The following COPS8 variants were observed in gnomAD, a reference collection of about 807,000 sequenced individuals.
COPS8 encodes the protein COP9 signalosome subunit 8.
COPS8 carries 11 observed loss-of-function variants against 31.5 expected under a neutral mutation model. That is an observed-to-expected ratio of 0.35 (90% confidence interval 0.22 to 0.58). The LOEUF is 0.58. COPS8 is among the 20% of genes least tolerant of loss of function. COPS8 has a pLI of 0.83. For missense variants in COPS8, 215 were observed against 255.1 expected, an observed-to-expected ratio of 0.84 and a Z score of 1.07; for synonymous variants, 81 against 89.3, an observed-to-expected ratio of 0.91 and a Z score of 0.52.
chr2:237,087,978 T>C (rs1290743770), intron 2 of COPS8, among the ~76,000 whole-genome samples: 1 of 151,296 alleles, frequency 6.6e-6, no homozygotes, highest in East Asian at 1.9e-4. Context: ...AAGTCTCCTA[T>C]AGTTCTGTGA....
chr2:237,095,694 T>TA, intron 5 of COPS8, 128 bp from the exon 6 acceptor site: 1 of 622,048 alleles, frequency 1.6e-6, no homozygotes, highest in Non-Finnish European at 2.9e-6. Flanking sequence ...ACCTTTCTAG[T>TA]AAAAATGCAT....
At chr2:237,096,629 G>T in intron 6 of COPS8, 193 bp from the exon 7 acceptor site, 1 of 631,942 alleles carries the variant, frequency 1.6e-6, no homozygotes, top group Non-Finnish European at 2.8e-6. Context: ...AGAGTGAGAA[G>T]ACATGATCCC....
intron 3 of COPS8, 147 bp downstream of exon 3, chr2:237,088,800 C>T: frequency 2.0e-6 from 1 of 510,868 alleles, no homozygotes; most frequent in Non-Finnish European, 3.4e-6. Context: ...CTTCAGAGTC[C>T]TCTAATCAGA....
rs962201822 is a variant in COPS8 at position 237,092,087 on chromosome 2, T to A, written c.332-2003T>A. 2.0e-5 allele frequency among the ~76,000 whole-genome samples: 3 copies of A among 152,356 alleles called. No individual in the cohort carries two copies. The South Asian group carries it at 6.2e-4, about 32-fold the overall frequency. ...GGATGAGCAGCACTTGAGTATTTGT[T>A]GAACAACTGAGTTTGCATTCTGTTA... On this transcript the variant is annotated intron_variant, in intron 4 of 7. Coordinates refer to ENST00000354371, the MANE Select transcript of COPS8 (RefSeq NM_006710.5).
chr2:237,087,605 A>G (rs958088027), intron 2 of COPS8: 1 of 245,490 alleles, frequency 4.1e-6, no homozygotes, highest in Non-Finnish European at 8.8e-6. Context: ...AATTATTCCT[A>G]TTTCACGTTC....
In COPS8 at chr2:237,089,892, G is replaced by A; in HGVS notation, c.229G>A (p.Val77Ile). Residue 77 changes from valine to isoleucine, a missense_variant, in exon 4 of 8, where the codon GTA becomes ATA. Physicochemically the swap from Val to Ile is conservative, Grantham distance 29 (BLOSUM62 3). Coordinates refer to ENST00000354371, the MANE Select transcript of COPS8 (RefSeq NM_006710.5). ...TTCTGAACTTGGGGGAATTTGGTCA[G>A]TAGGACAAAGAATCTGGCAGAGAGA... is the stretch of plus-strand genomic sequence containing the variant. ...ANSELGGIWS[V>I]GQRIWQRDFP... The A allele has an allele frequency of 1.9e-6, 3 of 1,612,946 alleles. No individual in the cohort carries two copies. The highest frequency in any genetic ancestry group is 1.7e-6 in the Non-Finnish European group (2 of 1,179,910).
chr2:237,096,543 C>T, intron 6 of COPS8: 1 of 437,844 alleles, frequency 2.3e-6, no homozygotes. Flanking sequence ...CTTCCACCTA[C>T]TCGGAATGCC....
intron 5 of COPS8, among the ~76,000 whole-genome samples, chr2:237,095,287 A>G (rs1438901191): frequency 2.6e-5 from 4 of 152,200 alleles, no homozygotes; most frequent in South Asian, 2.1e-4. Flanking sequence ...GCTAGTGGCT[A>G]TGTGACTTAG....
chr2:237,099,990 G>A lies in COPS8; in HGVS notation c.*2248G>A, dbSNP rs1055151494. ...CCTCATCACTGTACAAGAAAGGCAG[G>A]GTAAGTGCTTGATTTCACTTCCCTT... On this transcript the variant is annotated 3_prime_UTR_variant, in exon 8 of 8. Coordinates refer to ENST00000354371, the MANE Select transcript of COPS8 (RefSeq NM_006710.5). The A allele has an allele frequency of 6.6e-6, 1 of 152,114 alleles. No homozygotes were observed. Among genetic ancestry groups the A allele is most frequent in the African/African-American group, 2.4e-5 (1 of 41,406 alleles). The allele number at this position is 152,114 out of a possible 1,614,324, so 9.4% of individuals were successfully genotyped here.
chr2:237,095,738 G>C, intron 5 of COPS8, 84 bp from the exon 6 acceptor site: 1 of 891,400 alleles, frequency 1.1e-6, no homozygotes, highest in Non-Finnish European at 1.9e-6. Flanking sequence ...CAGGTCTTCT[G>C]TACAACTAAT....
chr2:237,087,463 G>A (rs6740125), intron 2 of COPS8: 20,477 of 469,030 alleles, frequency 0.044, 2,014 homozygotes, highest in African/African-American at 0.27. Flanking sequence ...GTCTTTTTAA[G>A]AAACTTTTAT....
At chr2:237,097,224 C>CTTTTTTTT (rs996251270) in intron 7 of COPS8, among the ~76,000 whole-genome samples, 57 of 95,824 alleles carry the variant, frequency 5.9e-4, no homozygotes, top group East Asian at 9.2e-4. Flanking sequence ...TGTGGGTTTT[C>CTTTTTTTT]TTTTTTTTTT....
At position 237,099,436 on chromosome 2, in the gene COPS8, G is replaced by A. The variant is rs1696858119; in HGVS notation, c.*1694G>A. 6.6e-6 allele frequency: 1 copy of A among 151,956 alleles called. No individual in the cohort carries two copies. Among genetic ancestry groups the A allele is most frequent in the African/African-American group, 2.4e-5 (1 of 41,352 alleles). The allele number at this position is 151,956 out of a possible 1,614,324, so 9.4% of individuals were successfully genotyped here. On this transcript the variant is annotated 3_prime_UTR_variant, in exon 8 of 8. Transcript: ENST00000354371. ...ATATTTCAATTTTACATTGTCAGTG[G>A]GATATACACTAAGGACAGAAAAAAA...
rs957376742 is a variant in COPS8 at position 237,098,976 on chromosome 2, A to C, written c.*1234A>C. On this transcript the variant is annotated 3_prime_UTR_variant, in exon 8 of 8. Transcript: ENST00000354371. ...TTTACAGTTGAGGAAATGGGAATTC[A>C]AGAAGTCAGAGGATCAGGAGAGTGA... is the stretch of plus-strand genomic sequence containing the variant. 6.6e-6 allele frequency: 1 copy of C among 152,198 alleles called. No individual in the cohort carries two copies. Among genetic ancestry groups the C allele is most frequent in the African/African-American group, 2.4e-5 (1 of 41,444 alleles). The allele number at this position is 152,198 out of a possible 1,614,324, so 9.4% of individuals were successfully genotyped here. A position where few individuals can be genotyped will look rare whatever the true frequency, so the allele number is the denominator to read the frequency against.
chr2:237,095,839 T>A lies in COPS8; in HGVS notation c.457T>A (p.Trp153Arg). The A allele has an allele frequency of 6.2e-7, 1 of 1,613,024 alleles. No individual in the cohort carries two copies. Among genetic ancestry groups the A allele is most frequent in the Non-Finnish European group, 8.5e-7 (1 of 1,179,000 alleles). Residue 153 changes from tryptophan (W) to arginine (R), a missense_variant, in exon 6 of 8, where the codon TGG (tryptophan) becomes AGG (arginine). Transcript: ENST00000354371. ...TTTTTTAGGCATATTAGAACAAGGA[T>A]GGCAAGCTGATTCCACCACAAGAAT... ...EAVKGILEQGWQADSTTRMVL... is the reference protein window; with the variant it reads ...EAVKGILEQGRQADSTTRMVL...
intron 6 of COPS8, among the ~76,000 whole-genome samples, 186 bp downstream of exon 6, chr2:237,096,070 G>A (rs1241259306): frequency 6.6e-6 from 1 of 152,150 alleles, no homozygotes; most frequent in Non-Finnish European, 1.5e-5. Flanking sequence ...TCTTAAAAAT[G>A]TATTTCCTGT....
rs1158311732 is a variant in COPS8 at position 237,087,139 on chromosome 2, A to G, written c.91A>G (p.Ile31Val). The G allele has an allele frequency of 1.2e-6, 2 of 1,605,092 alleles. No homozygotes were observed. Among genetic ancestry groups the G allele is most frequent in the Admixed American group, 1.7e-5 (1 of 58,184 alleles). Residue 31 changes from isoleucine (I) to valine (V), a missense_variant, in exon 2 of 8, where the codon ATT (isoleucine) becomes GTT (valine). Ile to Val is a conservative substitution (Grantham distance 29). Coordinates refer to ENST00000354371, the MANE Select transcript of COPS8 (RefSeq NM_006710.5). ...ENQELEAPGGIATPPVYGQLL... is the reference protein window; with the variant it reads ...ENQELEAPGGVATPPVYGQLL... ...TTTGGCCTTCTAGGCCCCTGGAGGA[A>G]TTGCTACACCCCCAGTGTATGGTCA...
intron 7 of COPS8, among the ~76,000 whole-genome samples, chr2:237,097,171 T>C (rs572416211): frequency 6.6e-6 from 1 of 151,962 alleles, no homozygotes; most frequent in East Asian, 1.9e-4. Context: ...CAGGCTGACG[T>C]GTAGTAATTT....
chr2:237,096,869 G>A lies in COPS8; in HGVS notation c.550G>A (p.Glu184Lys). The A allele has an allele frequency of 1.2e-6, 2 of 1,604,426 alleles. No individual in the cohort carries two copies. Among genetic ancestry groups the A allele is most frequent in the Non-Finnish European group, 1.7e-6 (2 of 1,173,694 alleles). The stretch of plus-strand genomic sequence containing the variant: ...CTTTAACAAGTTTATTCCCTTATCA[G>A]GTATGTATTTTCATATGCACATTTT... ...VSFNKFIPLS[E>K]PAPVPPIPNE... Residue 184 changes from glutamate to lysine, a missense_variant and splice_region_variant, in exon 7 of 8, where the codon GAG becomes AAG. Physicochemically the swap from Glu to Lys is moderately conservative, Grantham distance 56. Coordinates refer to ENST00000354371, the MANE Select transcript of COPS8 (RefSeq NM_006710.5).
Sources: gnomAD v4.1 joint callset for allele counts (sites outside exome capture counted in the v4.1 genomes callset) on GRCh38, gnomAD v4.1.1 for gene constraint, MANE v1.5 for transcripts, NCBI Gene and HGNC (gene_info 2026-07-23, HGNC 2026-07-21) for gene names.